AGGF1: variants seen among roughly 807,000 people sequenced by gnomAD.
The protein encoded by AGGF1 is angiogenic factor with G patch and FHA domains 1.
A neutral mutation model predicts 86.5 loss-of-function variants in AGGF1; 56 were observed. The observed-to-expected ratio is 0.65, with a 90% CI of 0.52 to 0.81. The LOEUF (loss-of-function observed/expected upper bound fraction) is 0.81, where lower values mean the gene tolerates loss of function less well. AGGF1 is among the 30% of genes least tolerant of loss of function. The pLI, the probability that AGGF1 is intolerant of heterozygous loss-of-function variation, is 0.00. For missense variants in AGGF1, 816 were observed against 850.9 expected, an observed-to-expected ratio of 0.96 and a Z score of 0.51; for synonymous variants, 313 against 297.1, an observed-to-expected ratio of 1.05 and a Z score of -0.55.
intron 11 of AGGF1, among the ~76,000 whole-genome samples, chr5:77,059,134 C>T (rs182648524): frequency 6.6e-6 from 1 of 152,174 alleles, no homozygotes; most frequent in East Asian, 1.9e-4. Flanking sequence ...TCCCCCCAAA[C>T]CCCAGGGATT....
In AGGF1 at chr5:77,063,221, C is replaced by A. The variant is rs760996017; in HGVS notation, c.2114C>A (p.Thr705Asn). The change falls in exon 14 of 14, where the codon ACC becomes AAC. Residue 705 changes from threonine (T) to asparagine (N), a missense_variant. Physicochemically the swap from Thr to Asn is moderately conservative, Grantham distance 65 (BLOSUM62 0). Around this residue, in one of 3 missense-constraint regions of AGGF1, gnomAD observed 565 missense variants for 585.8 expected, o/e 0.96. Coordinates refer to ENST00000312916, the MANE Select transcript of AGGF1 (RefSeq NM_018046.5). ...ETKPQKDDPG[T>N]MPWVKGTLE is the part of the protein sequence containing the mutation. Reference sequence around the variant, plus strand: ...AAGCCTCAAAAAGATGACCCAGGGACCATGCCTTGGGTAAAAGGGACTTTA... The same window carrying A: ...AAGCCTCAAAAAGATGACCCAGGGAACATGCCTTGGGTAAAAGGGACTTTA... The A allele has an allele frequency of 2.5e-6, 4 of 1,613,804 alleles. No homozygotes were observed. The highest frequency in any genetic ancestry group is 3.4e-6 in the Non-Finnish European group (4 of 1,179,842).
rs1367614818 is a variant in AGGF1, at chr5:77,030,993, A to G, written c.210+17A>G. On this transcript the variant is annotated intron_variant, in intron 1 of 13. Transcript: ENST00000312916. ...CGCACGCAGGTGCGCGGTCCTCCTC[A>G]GCCCCGCGCCCCATCCAGCCCAGGC... The G allele has an allele frequency of 6.2e-7, 1 of 1,610,974 alleles. No individual in the cohort carries two copies. The highest frequency in any genetic ancestry group is 8.5e-7 in the Non-Finnish European group (1 of 1,179,806).
In AGGF1 at chr5:77,058,594, G is replaced by T. The variant is rs187668400; in HGVS notation, c.1717-1022G>T. Among the ~76,000 whole-genome samples the T allele has an allele frequency of 5.9e-5, 9 of 152,182 alleles. No homozygotes were observed. The East Asian group carries it at 1.7e-3, about 29-fold the overall frequency. On this transcript the variant is annotated intron_variant, in intron 11 of 13. Transcript: ENST00000312916. The stretch of plus-strand genomic sequence containing the variant: ...TAGCTCAATTTCTTTATTGTCTTCT[G>T]GAGGAAAAACTTACTAGGATAGATA...
rs1426305454 is a variant in AGGF1 at position 77,032,684 on chromosome 5, G to A, written c.210+1708G>A. ...AATTGTTGAAGTACTGCTTGCGTTA[G>A]AGATTCTAAAAGAAAACGTTTTTTG... On this transcript the variant is annotated intron_variant, in intron 1 of 13. Coordinates refer to ENST00000312916, the MANE Select transcript of AGGF1 (RefSeq NM_018046.5). Among the ~76,000 whole-genome samples the A allele has an allele frequency of 2.0e-5, 3 of 152,060 alleles. No homozygotes were observed. The South Asian group carries it at 6.2e-4, about 32-fold the overall frequency.
intron 5 of AGGF1, among the ~76,000 whole-genome samples, chr5:77,042,385 G>A (rs1248300415): frequency 5.5e-4 from 78 of 140,834 alleles, no homozygotes; most frequent in Non-Finnish European, 1.1e-3. Context: ...CAGTAGGGGC[G>A]GCCGGGCAGA....
At position 77,061,671 on chromosome 5, in the gene AGGF1, T is replaced by C. The variant is rs753385869; in HGVS notation, c.1845-32T>C. 22 of 1,566,836 alleles carry C rather than the reference T, an allele frequency of 1.4e-5. No homozygotes were observed. In the Admixed American group the frequency reaches 3.7e-4, roughly 26 times the overall value. On this transcript the variant is annotated intron_variant, in intron 12 of 13. Coordinates refer to ENST00000312916, the MANE Select transcript of AGGF1 (RefSeq NM_018046.5). ...TAAATGTGACCTAAAAGATCTTTTA[T>C]AAATCAACTATCATTTTAATATTCC...
In AGGF1 at chr5:77,059,818, GCTATATAT is replaced by G. The variant is rs947640318; in HGVS notation, c.1844+77_1844+84del. The stretch of plus-strand genomic sequence containing the variant: ...TTCATAGGGTGGTCTGATGTTCAGG[GCTATATAT>G]CCTGATAGGTGGCCTATTTATTTGT... On this transcript the variant is annotated intron_variant, in intron 12 of 13. Coordinates refer to ENST00000312916, the MANE Select transcript of AGGF1 (RefSeq NM_018046.5). 1.4e-5 allele frequency: 22 copies of G among 1,557,610 alleles called. No individual in the cohort carries two copies. The Admixed American group carries it at 3.7e-4, about 26-fold the overall frequency.
intron 5 of AGGF1, among the ~76,000 whole-genome samples, chr5:77,042,121 G>T (rs1186439981): frequency 6.6e-6 from 1 of 151,858 alleles, no homozygotes; most frequent in Non-Finnish European, 1.5e-5. Flanking sequence ...GAGAGCACAG[G>T]GTTGGGGGTA....
rs771680347 is a variant in AGGF1 at position 77,039,595 on chromosome 5, G to A, written c.746G>A (p.Arg249His). 1.2e-5 allele frequency: 19 copies of A among 1,612,814 alleles called. No homozygotes were observed. The highest frequency in any genetic ancestry group is 3.3e-5 in the South Asian group (3 of 90,946). The change falls in exon 5 of 14, where the codon CGT becomes CAT. Residue 249 changes from arginine (R) to histidine (H), a missense_variant. This residue lies in a region of AGGF1 where 565 missense variants were observed against 585.8 expected (regional missense o/e 0.96). Coordinates refer to ENST00000312916, the MANE Select transcript of AGGF1 (RefSeq NM_018046.5). ...TACTATTGTGATGTGGAAAGTGGTC[G>A]TTATCAGTTTCATTCTCGAGTAGAT... ...IYYYCDVESG[R>H]YQFHSRVDLQ...
intron 8 of AGGF1, among the ~76,000 whole-genome samples, chr5:77,050,274 G>A (rs1580132647): frequency 7.2e-6 from 1 of 138,244 alleles, no homozygotes; most frequent in African/African-American, 2.7e-5. Context: ...ACCATAGATA[G>A]TTCTATGGTG....
intron 5 of AGGF1, among the ~76,000 whole-genome samples, chr5:77,045,465 T>G (rs1299561769): frequency 9.4e-6 from 1 of 106,678 alleles, no homozygotes; most frequent in Non-Finnish European, 2.3e-5. Flanking sequence ...TAAAAAATGT[T>G]CATTTATTAT....
At chr5:77,053,823 G>A (rs1296101371) in intron 9 of AGGF1, 142 bp from the exon 10 acceptor site, 4 of 830,794 alleles carry the variant, frequency 4.8e-6, no homozygotes, top group Non-Finnish European at 7.6e-6. Context: ...GTGTGTGCAT[G>A]TGTGTATGTG....
In AGGF1 at chr5:77,065,195, A is replaced by G. The variant is rs572655948; in HGVS notation, c.*1943A>G. 1 of 152,360 alleles carries G rather than the reference A, an allele frequency of 6.6e-6. No individual in the cohort carries two copies. The highest frequency in any genetic ancestry group is 2.4e-5 in the African/African-American group (1 of 41,592). 9.4% of individuals were successfully genotyped at this position (152,360 alleles called of 1,614,324 possible). ...AGAAGCATAAATGTGAATTATATACAGTTTGAATTTTGCATAAATTTTTTG... is the reference window on the plus strand; with the variant it reads ...AGAAGCATAAATGTGAATTATATACGGTTTGAATTTTGCATAAATTTTTTG... On this transcript the variant is annotated 3_prime_UTR_variant, in exon 14 of 14. Coordinates refer to ENST00000312916, the MANE Select transcript of AGGF1 (RefSeq NM_018046.5).
chr5:77,059,631 G>A lies in AGGF1; in HGVS notation c.1732G>A (p.Asp578Asn), dbSNP rs1026658544. Residue 578 changes from aspartate to asparagine, a missense_variant, in exon 12 of 14, where the codon GAT becomes AAT. Physicochemically the swap from Asp to Asn is conservative, Grantham distance 23. Coordinates refer to ENST00000312916, the MANE Select transcript of AGGF1 (RefSeq NM_018046.5). Reference sequence around the variant, plus strand: ...GTTTATTAAGAATACAGAATACGAAGATGAAAAGACATTGAAGAATCCAAA... The same window carrying A: ...GTTTATTAAGAATACAGAATACGAAAATGAAAAGACATTGAAGAATCCAAA... The part of the protein sequence containing the change: ...KYGLQNTEYE[D>N]EKTLKNPKYK... The A allele has an allele frequency of 6.2e-7, 1 of 1,607,358 alleles. No individual in the cohort carries two copies. Among genetic ancestry groups the A allele is most frequent in the African/African-American group, 1.3e-5 (1 of 74,804 alleles).
Position 77,046,340 on chromosome 5 carries a change from T to TC in AGGF1, c.871-6dup, listed in dbSNP as rs746762279. Reference sequence around the variant, plus strand: ...CTGTTCCCTCGTATCTACCCACCCTTCTCCAGGATTTGAACTCAGAGGATC... The same window carrying TC: ...CTGTTCCCTCGTATCTACCCACCCTTCCTCCAGGATTTGAACTCAGAGGATC... On this transcript the variant is annotated splice_polypyrimidine_tract_variant and splice_region_variant and intron_variant, in intron 5 of 13. Transcript: ENST00000312916. 3.6e-5 allele frequency: 58 copies of TC among 1,610,108 alleles called. No homozygotes were observed. The highest frequency in any genetic ancestry group is 5.9e-6 in the Non-Finnish European group (7 of 1,176,914).
At chr5:77,033,537 C>T (rs1233806844) in intron 1 of AGGF1, among the ~76,000 whole-genome samples, 3 of 152,174 alleles carry the variant, frequency 2.0e-5, no homozygotes, top group South Asian at 2.1e-4. Flanking sequence ...TAATTCCCAG[C>T]GATGAACTCT....
At chr5:77,037,829 T>C (rs1375208649) in intron 4 of AGGF1, among the ~76,000 whole-genome samples, 10 of 152,170 alleles carry the variant, frequency 6.6e-5, no homozygotes. Context: ...AGGGAATTAA[T>C]ATGGGATCTA....
In AGGF1 at chr5:77,034,492, AG is replaced by A; in HGVS notation, c.286del (p.Glu96ArgfsTer26). 1 of 1,613,140 alleles carries A rather than the reference AG, an allele frequency of 6.2e-7. No individual in the cohort carries two copies. Among genetic ancestry groups the A allele is most frequent in the Non-Finnish European group, 8.5e-7 (1 of 1,179,166 alleles). On this transcript the variant is annotated frameshift_variant, in exon 2 of 14. Coordinates refer to ENST00000312916, the MANE Select transcript of AGGF1 (RefSeq NM_018046.5). LOFTEE classifies it high-confidence loss of function. ...AAAAGTCTGATGTAGAAGTACAAAC[AG>A]AGAACCATGCTCCTTGGTCAATCTC... is the stretch of plus-strand genomic sequence containing the variant. ...NKKSDVEVQT[E>X]NHAPWSISDY...
chr5:77,030,564 C>T lies in AGGF1; in HGVS notation c.-203C>T. ...GCCGCGCACATCGGGCAGGGGCCAT[C>T]CTCGGTCCCCTTGCTCGTTGCTCGC... is the stretch of plus-strand genomic sequence containing the variant. On this transcript the variant is annotated 5_prime_UTR_variant, in exon 1 of 14. Coordinates refer to ENST00000312916, the MANE Select transcript of AGGF1 (RefSeq NM_018046.5). The T allele has an allele frequency of 2.8e-6, 2 of 715,892 alleles. No homozygotes were observed. Among genetic ancestry groups the T allele is most frequent in the Non-Finnish European group, 5.0e-6 (2 of 399,948 alleles). 44.3% of individuals were successfully genotyped at this position (715,892 alleles called of 1,614,324 possible). A position where few individuals can be genotyped will look rare whatever the true frequency, so the allele number is the denominator to read the frequency against.
Sources: gnomAD v4.1 joint callset for allele counts (sites outside exome capture counted in the v4.1 genomes callset) on GRCh38, gnomAD v4.1.1 for gene constraint, gnomAD v4.1.1 regional missense constraint, MANE v1.5 for transcripts, NCBI Gene and HGNC (gene_info 2026-07-23, HGNC 2026-07-21) for gene names.